CCDC171: variants seen among roughly 807,000 people sequenced by gnomAD.
CCDC171 encodes the protein coiled-coil domain containing 171.
CCDC171 carries 177 observed loss-of-function variants against 168.2 expected under a neutral mutation model. The ratio of observed to expected loss-of-function variants is 1.05; its 90% confidence interval spans 0.93 to 1.19. The LOEUF (loss-of-function observed/expected upper bound fraction) is 1.19, where lower values mean the gene tolerates loss of function less well. Ranked by LOEUF, CCDC171 falls within the 50% of genes most tolerant of loss-of-function variation. The pLI is 0.00. For missense variants in CCDC171, 1,991 were observed against 1,539.0 expected (o/e 1.29, Z -4.91); for synonymous variants, 687 against 540.8 (o/e 1.27, Z -3.75).
At chr9:16,045,103 G>A (rs1833639354) in intron 1 of CCDC171, among the ~76,000 whole-genome samples, 1 of 152,106 alleles carries the variant, frequency 6.6e-6, no homozygotes, top group South Asian at 2.1e-4. Context: ...TCTTCTAGTG[G>A]GTATAGGAAT....
At chr9:15,941,441 A>G (rs4472620) in intron 25 of CCDC171, among the ~76,000 whole-genome samples, 49,658 of 151,700 alleles carry the variant, frequency 0.33, 10,195 homozygotes, top group East Asian at 0.62. Flanking sequence ...TATACCATTG[A>G]ATAGATAGGA....
intron 10 of CCDC171, among the ~76,000 whole-genome samples, chr9:15,680,332 A>G (rs1466816065): frequency 6.6e-6 from 1 of 152,174 alleles, no homozygotes; most frequent in Admixed American, 6.5e-5. Context: ...TGTTCTATAC[A>G]TACATACTTT....
At chr9:15,933,792 A>G (rs1826796606) in intron 25 of CCDC171, among the ~76,000 whole-genome samples, 1 of 152,022 alleles carries the variant, frequency 6.6e-6, no homozygotes, top group Non-Finnish European at 1.5e-5. Flanking sequence ...AAAAACCTAC[A>G]TAAGAGATCT....
chr9:16,007,118 G>T (rs1313108355), intron 3 of CCDC171, among the ~76,000 whole-genome samples: 1 of 152,048 alleles, frequency 6.6e-6, no homozygotes, highest in Non-Finnish European at 1.5e-5. Context: ...TTTAATGATC[G>T]CCTTTCTAAC....
At chr9:15,891,054 C>A (rs1016718618) in intron 24 of CCDC171, among the ~76,000 whole-genome samples, 1 of 152,092 alleles carries the variant, frequency 6.6e-6, no homozygotes, top group Non-Finnish European at 1.5e-5. Context: ...TTTAAGTAAA[C>A]CACAAACAAG....
At chr9:15,961,937 T>C (rs958361721) in intron 25 of CCDC171, among the ~76,000 whole-genome samples, 1 of 152,258 alleles carries the variant, frequency 6.6e-6, no homozygotes, top group African/African-American at 2.4e-5. Context: ...TGCCCTAGGG[T>C]CAGCAAATCT....
chr9:15,650,529 A>T lies in CCDC171; in HGVS notation c.823-6598A>T, dbSNP rs143818946. 9.0e-4 allele frequency among the ~76,000 whole-genome samples: 137 copies of T among 152,316 alleles called. 1 individual carries two copies. The highest frequency in any genetic ancestry group is 3.1e-3 in the African/African-American group (128 of 41,578). On this transcript the variant is annotated intron_variant, in intron 7 of 25. Transcript: ENST00000380701. ...TCGTACAGTTATTGGTCATTTACAT[A>T]TCTTTTTTAGACAAATGTCTAAGTC...
chr9:15,601,064 C>T (rs1312251066), intron 6 of CCDC171, among the ~76,000 whole-genome samples: 18 of 152,184 alleles, frequency 1.2e-4, no homozygotes, highest in Admixed American at 1.2e-3. Flanking sequence ...AAGGGAATTC[C>T]CTGACCCCTT....
At position 15,790,961 on chromosome 9, in the gene CCDC171, T is replaced by A. The variant is rs1260417963; in HGVS notation, c.3267+6267T>A. On this transcript the variant is annotated intron_variant, in intron 21 of 25. Coordinates refer to ENST00000380701, the MANE Select transcript of CCDC171 (RefSeq NM_173550.4). The stretch of plus-strand genomic sequence containing the variant: ...GTTCTGTTCCATTGGTCTATATCTC[T>A]GTTTTGGTACCAGTACCGTGCTGTT... Among the ~76,000 whole-genome samples the A allele has an allele frequency of 2.6e-5, 4 of 152,234 alleles. No individual in the cohort carries two copies. The East Asian group carries it at 5.8e-4, about 22-fold the overall frequency.
At chr9:15,861,817 G>A (rs2061571766) in intron 23 of CCDC171, among the ~76,000 whole-genome samples, 1 of 151,930 alleles carries the variant, frequency 6.6e-6, no homozygotes, top group Non-Finnish European at 1.5e-5. Context: ...CTGTATATCT[G>A]TATATTTACC....
At chr9:15,570,362 A>AT (rs1448647606) in intron 2 of CCDC171, among the ~76,000 whole-genome samples, 8 of 149,806 alleles carry the variant, frequency 5.3e-5, no homozygotes, top group Admixed American at 5.3e-4. Context: ...ATATACTCCT[A>AT]TTTTTTTTAG....
chr9:15,944,497 T>G (rs1179171512), intron 25 of CCDC171, among the ~76,000 whole-genome samples: 1 of 152,008 alleles, frequency 6.6e-6, no homozygotes, highest in Non-Finnish European at 1.5e-5. Context: ...CTTAAATGTG[T>G]TAATGTATTC....
At chr9:15,603,597 G>A (rs941025330) in intron 6 of CCDC171, among the ~76,000 whole-genome samples, 1 of 152,106 alleles carries the variant, frequency 6.6e-6, no homozygotes, top group African/African-American at 2.4e-5. Flanking sequence ...TTCATTTATG[G>A]CTGCATAGTA....
chr9:15,834,337 A>G (rs1315767236), intron 21 of CCDC171, among the ~76,000 whole-genome samples: 3 of 152,208 alleles, frequency 2.0e-5, no homozygotes, highest in Non-Finnish European at 4.4e-5. Context: ...TTAAGTGGCA[A>G]TGTTTAATTC....
intron 11 of CCDC171, among the ~76,000 whole-genome samples, chr9:15,718,145 A>C (rs1173808789): frequency 6.6e-6 from 1 of 152,146 alleles, no homozygotes; most frequent in Non-Finnish European, 1.5e-5. Context: ...CATTCACCAC[A>C]AGCTGACTGA....
intron 10 of CCDC171, among the ~76,000 whole-genome samples, chr9:15,688,842 G>A (rs2050590250): frequency 6.6e-6 from 1 of 152,162 alleles, no homozygotes; most frequent in South Asian, 2.1e-4. Flanking sequence ...TTTTACTGGA[G>A]GTTCTAGCCA....
At chr9:15,759,755 T>C (rs2056343302) in intron 18 of CCDC171, among the ~76,000 whole-genome samples, 2 of 152,174 alleles carry the variant, frequency 1.3e-5, no homozygotes, top group African/African-American at 2.4e-5. Flanking sequence ...GTGTCATAAC[T>C]TCATTTTTAA....
At chr9:15,790,508 A>G (rs1300020230) in intron 21 of CCDC171, among the ~76,000 whole-genome samples, 1 of 152,094 alleles carries the variant, frequency 6.6e-6, no homozygotes, top group Non-Finnish European at 1.5e-5. Context: ...CCTTTGTCAG[A>G]TGAGTAGATT....
chr9:15,661,007 G>C (rs1013955889), intron 8 of CCDC171, among the ~76,000 whole-genome samples: 4 of 151,868 alleles, frequency 2.6e-5, no homozygotes, highest in Non-Finnish European at 5.9e-5. Flanking sequence ...TTTGCCGGGC[G>C]CGGGGGCTCA....
Sources: gnomAD v4.1 joint callset for allele counts (sites outside exome capture counted in the v4.1 genomes callset) on GRCh38, gnomAD v4.1.1 for gene constraint, MANE v1.5 for transcripts, NCBI Gene and HGNC (gene_info 2026-07-23, HGNC 2026-07-21) for gene names.